The following PFDN2 variants were observed in gnomAD, a reference collection of about 807,000 sequenced individuals.
PFDN2 encodes prefoldin subunit 2.
A neutral mutation model predicts 18.3 loss-of-function variants in PFDN2; 7 were observed. That is an observed-to-expected ratio of 0.38 (90% CI 0.22 to 0.72). PFDN2 has a LOEUF of 0.72. PFDN2 is among the 30% of genes least tolerant of loss of function. The pLI is 0.47. For missense variants in PFDN2, 181 were observed against 199.1 expected, an observed-to-expected ratio of 0.91 and a Z score of 0.55; for synonymous variants, 76 against 75.0, an observed-to-expected ratio of 1.01 and a Z score of -0.07.
intron 1 of PFDN2, among the ~76,000 whole-genome samples, chr1:161,109,507 A>G (rs1395273419): frequency 6.6e-6 from 1 of 152,206 alleles, no homozygotes; most frequent in Non-Finnish European, 1.5e-5. Flanking sequence ...ATTTTAAAAT[A>G]TCTATTTCTT....
intron 1 of PFDN2, among the ~76,000 whole-genome samples, chr1:161,114,088 C>T (rs1461785888): frequency 1.2e-4 from 19 of 152,184 alleles, no homozygotes; most frequent in Admixed American, 1.2e-3. Context: ...GGAAAGTGAT[C>T]ATTTTTATCC....
intron 1 of PFDN2, among the ~76,000 whole-genome samples, chr1:161,104,422 T>G (rs1243611594): frequency 6.6e-6 from 1 of 151,678 alleles, no homozygotes; most frequent in Non-Finnish European, 1.5e-5. Context: ...ACTAGGGCCC[T>G]ATCTCTTTTT....
intron 1 of PFDN2, among the ~76,000 whole-genome samples, chr1:161,109,113 A>G (rs766100296): frequency 3.3e-5 from 5 of 152,184 alleles, no homozygotes; most frequent in Admixed American, 6.5e-5. Context: ...ACCTCTCCCA[A>G]TCAGTTGTTC....
In PFDN2 at chr1:161,103,702, A is replaced by G. The variant is rs979971452; in HGVS notation, c.76-1327T>C. 1.5e-3 allele frequency among the ~76,000 whole-genome samples: 213 copies of G among 143,650 alleles called. 1 individual carries two copies. Among genetic ancestry groups the G allele is most frequent in the Admixed American group, 4.5e-3 (66 of 14,524 alleles). The allele number at this position is 143,650 out of a possible 152,430, so 94.2% of individuals were successfully genotyped here. ...CCGTCTCAAAAAAAAAAAAAAAAAA[A>G]AAAAAAAAAAAAGAAAGTTGGTCAA... On this transcript the variant is annotated intron_variant, in intron 1 of 3. Transcript: ENST00000368010.
chr1:161,102,155 G>A lies in PFDN2; in HGVS notation c.181C>T (p.Leu61=), dbSNP rs777961837. Residue 61 remains leucine (L), a synonymous_variant, in exon 3 of 4, where the codon CTG becomes TTG. Coordinates refer to ENST00000368010, the MANE Select transcript of PFDN2 (RefSeq NM_012394.4). ...TTACGAGTTTCATCTACCTCCTTCA[G>A]TGTATCGATCACTAGGCTGGGATAG... ...LNEHSLVIDT[L]KEVDETRKCY... is the part of the protein sequence containing the mutation. The A allele has an allele frequency of 3.1e-6, 5 of 1,614,170 alleles. No homozygotes were observed. In the South Asian group the frequency reaches 5.5e-5, roughly 18 times the overall value.
At chr1:161,105,312 C>T (rs1654656331) in intron 1 of PFDN2, among the ~76,000 whole-genome samples, 1 of 151,716 alleles carries the variant, frequency 6.6e-6, no homozygotes, top group African/African-American at 2.4e-5. Flanking sequence ...GACAGGGTCT[C>T]ACCATGTTGC....
intron 1 of PFDN2, among the ~76,000 whole-genome samples, chr1:161,115,934 T>G (rs1654905789): frequency 6.6e-6 from 1 of 152,020 alleles, no homozygotes; most frequent in East Asian, 1.9e-4. Flanking sequence ...TAAAAATTAT[T>G]AGGGGGAGCC....
intron 1 of PFDN2, among the ~76,000 whole-genome samples, chr1:161,111,917 G>A (rs921160078): frequency 4.6e-5 from 7 of 152,056 alleles, no homozygotes; most frequent in African/African-American, 1.7e-4. Context: ...ATTTCAAGTG[G>A]CATTCTTAGC....
intron 1 of PFDN2, among the ~76,000 whole-genome samples, chr1:161,115,365 A>G (rs769454161): frequency 2.6e-4 from 40 of 152,168 alleles, no homozygotes; most frequent in Non-Finnish European, 5.1e-4. Flanking sequence ...CACCTGGCCA[A>G]CAATTCATAA....
Position 161,102,395 on chromosome 1 carries a change from G to A in PFDN2, c.76-20C>T, listed in dbSNP as rs779198755. ...AATCACCTAACAAGGTGAGAGAAGAGATGAAAGAGGGGATAGTGGAAATGG... is the reference window on the plus strand; with the variant it reads ...AATCACCTAACAAGGTGAGAGAAGAAATGAAAGAGGGGATAGTGGAAATGG... On this transcript the variant is annotated intron_variant, in intron 1 of 3. Coordinates refer to ENST00000368010, the MANE Select transcript of PFDN2 (RefSeq NM_012394.4). 7 of 1,590,048 alleles carry A rather than the reference G, an allele frequency of 4.4e-6. No homozygotes were observed. The highest frequency in any genetic ancestry group is 6.0e-6 in the Non-Finnish European group (7 of 1,158,220).
intron 1 of PFDN2, among the ~76,000 whole-genome samples, chr1:161,103,697 AAAAAAAAAAAAAAAAAAG>A (rs1654622928): frequency 1.2e-5 from 1 of 84,100 alleles, no homozygotes; most frequent in Admixed American, 1.3e-4. Context: ...AAAAAAAAAA[AAAAAAAAAAAAAAAAAAG>A]AAAGTTGGTC....
At chr1:161,109,259 CT>C (rs1378031574) in intron 1 of PFDN2, among the ~76,000 whole-genome samples, 1 of 152,176 alleles carries the variant, frequency 6.6e-6, no homozygotes, top group African/African-American at 2.4e-5. Flanking sequence ...CAGTTTTTCT[CT>C]GCTTAAGTCT....
At chr1:161,111,950 G>C (rs1448824408) in intron 1 of PFDN2, among the ~76,000 whole-genome samples, 1 of 152,080 alleles carries the variant, frequency 6.6e-6, no homozygotes, top group Non-Finnish European at 1.5e-5. Flanking sequence ...TCCAGCAATT[G>C]CCTTTATTCT....
At chr1:161,116,406 C>T (rs1172443642) in intron 1 of PFDN2, among the ~76,000 whole-genome samples, 1 of 152,064 alleles carries the variant, frequency 6.6e-6, no homozygotes, top group African/African-American at 2.4e-5. Context: ...CCCAGCTACT[C>T]GGGAGGCTGA....
intron 1 of PFDN2, among the ~76,000 whole-genome samples, chr1:161,105,506 G>A (rs1221307703): frequency 7.9e-5 from 12 of 151,224 alleles, no homozygotes; most frequent in African/African-American, 2.7e-4. Context: ...CGCCCAGGCT[G>A]GAGTGCAGTG....
At position 161,105,185 on chromosome 1, in the gene PFDN2, GC is replaced by G. The variant is rs538476599; in HGVS notation, c.76-2811del. Among the ~76,000 whole-genome samples, 465 of 152,030 alleles carry G rather than the reference GC, an allele frequency of 3.1e-3. 2 individuals are homozygous for G. Among genetic ancestry groups the G allele is most frequent in the African/African-American group, 0.011 (454 of 41,476 alleles). ...AGCTTAAGTGTCTAAAATTTCTGAT[GC>G]CCCAACTTTTAACTCCTGGGCTCAA... On this transcript the variant is annotated intron_variant, in intron 1 of 3. Coordinates refer to ENST00000368010, the MANE Select transcript of PFDN2 (RefSeq NM_012394.4).
chr1:161,105,246 G>A (rs1430391924), intron 1 of PFDN2, among the ~76,000 whole-genome samples: 1 of 152,096 alleles, frequency 6.6e-6, no homozygotes, highest in African/African-American at 2.4e-5. Flanking sequence ...AAGTAGCTGG[G>A]ACTACAGACA....
intron 1 of PFDN2, among the ~76,000 whole-genome samples, chr1:161,109,859 G>A (rs1654766631): frequency 6.6e-6 from 1 of 152,136 alleles, no homozygotes; most frequent in Non-Finnish European, 1.5e-5. Context: ...AGATCAGCCT[G>A]GCCAACACGG....
At position 161,117,995 on chromosome 1, in the gene PFDN2, C is replaced by T; in HGVS notation, c.32G>A (p.Ser11Asn). The change falls in exon 1 of 4, where the codon AGC becomes AAC. Residue 11 changes from serine to asparagine, a missense_variant. Transcript: ENST00000368010. MAENSGRAGK[S>N]SGSGAGKGAV... ...CCCCTTCCCCGCGCCGCTCCCGCTG[C>T]TCTTGCCGGCGCGACCGCTGTTCTC... 6.2e-7 allele frequency: 1 copy of T among 1,612,676 alleles called. No homozygotes were observed. The highest frequency in any genetic ancestry group is 8.5e-7 in the Non-Finnish European group (1 of 1,179,548).
Sources: allele counts gnomAD v4.1 joint callset (sites outside exome capture counted in the v4.1 genomes callset), GRCh38; gene constraint gnomAD v4.1.1; transcripts MANE v1.5; gene names NCBI Gene and HGNC (gene_info 2026-07-23, HGNC 2026-07-21).